FYB1: variants seen among roughly 807,000 people sequenced by gnomAD.
The protein encoded by FYB1 is FYN binding protein 1, also known as FYN-binding protein 1.
In FYB1, 41 loss-of-function variants were observed where a neutral mutation model predicts 94.1. That is an observed-to-expected ratio of 0.44 (90% CI 0.34 to 0.57). The LOEUF (loss-of-function observed/expected upper bound fraction) is 0.57. Ranked by LOEUF, FYB1 falls within the 20% of genes least tolerant of loss-of-function variation. The pLI is 0.02. For missense variants in FYB1, 1,050 were observed against 976.8 expected (o/e 1.07, Z -1.00); for synonymous variants, 367 against 353.2 (o/e 1.04, Z -0.44).
upstream of FYB1, among the ~76,000 whole-genome samples, chr5:39,223,901 T>A (rs13171671): frequency 1.3e-5 from 2 of 151,862 alleles, no homozygotes; most frequent in Non-Finnish European, 2.9e-5. Flanking sequence ...AATTTTCTAC[T>A]GTCCCTATCT....
chr5:39,215,603 AAC>A, intron 1 of FYB1, among the ~76,000 whole-genome samples: 1 of 152,158 alleles, frequency 6.6e-6, no homozygotes, highest in South Asian at 2.1e-4. Flanking sequence ...TTCAGAAGCA[AAC>A]ATTATTAAAA....
At chr5:39,229,997 C>T (rs187359854) in intron 1 of FYB1, among the ~76,000 whole-genome samples, 2 of 152,130 alleles carry the variant, frequency 1.3e-5, no homozygotes, top group East Asian at 1.9e-4. Context: ...AAATCAAGAT[C>T]GGGAATCTCT....
intron 9 of FYB1, among the ~76,000 whole-genome samples, chr5:39,130,894 GGTT>G (rs1315047933): frequency 2.0e-5 from 3 of 152,146 alleles, no homozygotes; most frequent in African/African-American, 7.2e-5. Context: ...TTTTGTATGA[GGTT>G]GTTTTCAGAT....
chr5:39,169,599 C>T, intron 2 of FYB1: 1 of 462,714 alleles, frequency 2.2e-6, no homozygotes, highest in Non-Finnish European at 4.2e-6. Flanking sequence ...AATCCCAGCA[C>T]TTTGGGAGGC....
chr5:39,129,290 C>T (rs1183222013), intron 10 of FYB1, among the ~76,000 whole-genome samples: 3 of 151,892 alleles, frequency 2.0e-5, no homozygotes, highest in South Asian at 2.1e-4. Flanking sequence ...CCATCTCTCA[C>T]CATATATAAA....
chr5:39,265,415 C>T (rs10066892), intron 1 of FYB1, among the ~76,000 whole-genome samples: 4,703 of 151,222 alleles, frequency 0.031, 218 homozygotes, highest in African/African-American at 0.1. Context: ...ACCCGGGAGG[C>T]GGAGCTTTCA....
intron 9 of FYB1, among the ~76,000 whole-genome samples, chr5:39,133,346 T>G (rs1451537764): frequency 6.6e-6 from 1 of 152,186 alleles, no homozygotes; most frequent in East Asian, 1.9e-4. Flanking sequence ...AGTTCTGAAC[T>G]GGACCAGAGA....
At chr5:39,123,308 C>T (rs1364920207) in intron 13 of FYB1, among the ~76,000 whole-genome samples, 1 of 152,144 alleles carries the variant, frequency 6.6e-6, no homozygotes, top group Non-Finnish European at 1.5e-5. Flanking sequence ...ACTTGCTCAG[C>T]TGCGTGAAAA....
At chr5:39,119,680 T>C in intron 14 of FYB1, 46 bp from the exon 15 acceptor site, 1 of 1,435,264 alleles carries the variant, frequency 7.0e-7, no homozygotes, top group Non-Finnish European at 9.1e-7. Flanking sequence ...TTTAGAAAAT[T>C]AAAAAGAATA....
intron 2 of FYB1, among the ~76,000 whole-genome samples, chr5:39,175,667 A>T (rs1406287793): frequency 2.0e-5 from 3 of 152,204 alleles, no homozygotes; most frequent in Non-Finnish European, 2.9e-5. Flanking sequence ...ACTACCCAGT[A>T]TTCTTCCTGG....
intron 9 of FYB1, among the ~76,000 whole-genome samples, chr5:39,133,680 T>C (rs1308382959): frequency 6.6e-6 from 1 of 152,056 alleles, no homozygotes; most frequent in Non-Finnish European, 1.5e-5. Flanking sequence ...GTCATTTTAA[T>C]CTAGTGGAAT....
intron 2 of FYB1, among the ~76,000 whole-genome samples, chr5:39,196,366 G>A (rs1044460247): frequency 4.6e-5 from 7 of 151,888 alleles, no homozygotes; most frequent in Non-Finnish European, 8.8e-5. Context: ...ACTATGCCTG[G>A]CTAATTTTTG....
intron 2 of FYB1, among the ~76,000 whole-genome samples, chr5:39,196,278 G>A (rs956290771): frequency 5.5e-5 from 8 of 146,192 alleles, no homozygotes; most frequent in East Asian, 2.0e-4. Context: ...GTGCAATCTC[G>A]GCTCACTGCA....
intron 12 of FYB1, among the ~76,000 whole-genome samples, chr5:39,124,524 A>G (rs766152638): frequency 1.1e-4 from 16 of 152,154 alleles, no homozygotes; most frequent in Non-Finnish European, 1.8e-4. Flanking sequence ...CAAGATACTC[A>G]ATTGGTTTAT....
At chr5:39,117,177 A>AT (rs1739653438) in intron 16 of FYB1, among the ~76,000 whole-genome samples, 1 of 152,110 alleles carries the variant, frequency 6.6e-6, no homozygotes, top group Non-Finnish European at 1.5e-5. Context: ...GTATTTAATT[A>AT]TTTTTTAAGT....
chr5:39,197,125 T>C (rs1747903253), intron 2 of FYB1, among the ~76,000 whole-genome samples: 1 of 152,172 alleles, frequency 6.6e-6, no homozygotes. Context: ...AGTTATTAGA[T>C]GAATGTTTGT....
Position 39,253,585 on chromosome 5 carries a change from T to A in FYB1, c.-28+20818A>T, listed in dbSNP as rs971526426. On this transcript the variant is annotated intron_variant, in intron 1 of 1. Transcript: ENST00000510188. ...AAATGTGTGTTGTAAGGTATAGGAT[T>A]GTTACACAGGTAAATGTGTGTTGTA... Among the ~76,000 whole-genome samples the A allele has an allele frequency of 3.9e-5, 6 of 152,322 alleles. No individual in the cohort carries two copies. The South Asian group carries it at 1.2e-3, about 32-fold the overall frequency.
At chr5:39,157,191 A>G (rs528272181) in intron 2 of FYB1, among the ~76,000 whole-genome samples, 11 of 152,138 alleles carry the variant, frequency 7.2e-5, no homozygotes, top group Middle Eastern at 3.4e-3. Context: ...TTTTTTTATG[A>G]TGTCTATGCA....
chr5:39,251,370 A>G (rs544140641), intron 1 of FYB1, among the ~76,000 whole-genome samples: 2 of 152,336 alleles, frequency 1.3e-5, no homozygotes, highest in East Asian at 3.9e-4. Flanking sequence ...TATAATAAGT[A>G]GCCCTTCATT....
Sources: allele counts gnomAD v4.1 joint callset (sites outside exome capture counted in the v4.1 genomes callset), GRCh38; gene constraint gnomAD v4.1.1; transcripts MANE v1.5; gene names NCBI Gene and HGNC (gene_info 2026-07-23, HGNC 2026-07-21).